The following DAB1 variants were observed in gnomAD, a reference collection of about 807,000 sequenced individuals.
The protein encoded by DAB1 is disabled homolog 1.
DAB1 carries 15 observed loss-of-function variants against 64.6 expected under a neutral mutation model. The ratio of observed to expected loss-of-function variants is 0.23; its 90% CI spans 0.16 to 0.36. DAB1 has a LOEUF of 0.36. Ranked by LOEUF, DAB1 falls within the 10% of genes least tolerant of loss-of-function variation. The pLI is 1.00. For missense variants in DAB1, 596 were observed against 706.7 expected, an observed-to-expected ratio of 0.84 and a Z score of 1.78; for synonymous variants, 235 against 251.9, an observed-to-expected ratio of 0.93 and a Z score of 0.64.
At chr1:57,810,847 G>A (rs1651584594) in intron 6 of DAB1, among the ~76,000 whole-genome samples, 1 of 152,182 alleles carries the variant, frequency 6.6e-6, no homozygotes, top group South Asian at 2.1e-4. Context: ...GCAACAGAAA[G>A]TTACTCTTTT....
intron 5 of DAB1, among the ~76,000 whole-genome samples, chr1:58,149,067 A>T (rs980750864): frequency 2.0e-5 from 3 of 152,158 alleles, no homozygotes; most frequent in Admixed American, 2.0e-4. Flanking sequence ...GTCACCCTAC[A>T]ACAGTAGTAA....
At chr1:57,976,254 T>C (rs1460320909) in intron 5 of DAB1, among the ~76,000 whole-genome samples, 2 of 152,158 alleles carry the variant, frequency 1.3e-5, no homozygotes, top group African/African-American at 4.8e-5. Context: ...CCTCACATGA[T>C]AGAAAGCAGT....
At chr1:58,444,463 C>T (rs184583411) in intron 3 of DAB1, among the ~76,000 whole-genome samples, 11 of 152,314 alleles carry the variant, frequency 7.2e-5, no homozygotes, top group African/African-American at 2.4e-4. Context: ...GGCCTGACTC[C>T]GGATTTGGTG....
At chr1:58,300,698 A>T (rs1349497673) in intron 4 of DAB1, among the ~76,000 whole-genome samples, 2 of 147,250 alleles carry the variant, frequency 1.4e-5, no homozygotes, top group African/African-American at 5.0e-5. Context: ...GGAAGGAAGG[A>T]AGGAAGGAAG....
At chr1:58,388,492 G>A (rs147591449) in intron 3 of DAB1, among the ~76,000 whole-genome samples, 3 of 152,266 alleles carry the variant, frequency 2.0e-5, no homozygotes, top group Non-Finnish European at 4.4e-5. Context: ...AAATAAGACA[G>A]CCAGCCTACA....
At chr1:58,462,689 C>T (rs977662314) in intron 3 of DAB1, 1 of 152,066 alleles carries the variant, frequency 6.6e-6, no homozygotes, top group Non-Finnish European at 1.5e-5. Flanking sequence ...ACAAATATCC[C>T]GCATTAAATC....
chr1:57,755,308 A>G (rs748628666), intron 6 of DAB1, among the ~76,000 whole-genome samples: 2 of 152,146 alleles, frequency 1.3e-5, no homozygotes, highest in Non-Finnish European at 2.9e-5. Context: ...AAGTATTCCT[A>G]TCCATGAATA....
chr1:57,498,694 T>C (rs1558436914), intron 7 of DAB1, among the ~76,000 whole-genome samples: 2 of 152,158 alleles, frequency 1.3e-5, no homozygotes, highest in Non-Finnish European at 2.9e-5. Context: ...AGGATAGCAA[T>C]AAGAGACAGA....
intron 3 of DAB1, among the ~76,000 whole-genome samples, chr1:58,504,372 C>T (rs1236984907): frequency 1.3e-5 from 2 of 152,136 alleles, no homozygotes; most frequent in African/African-American, 4.8e-5. Context: ...GCCTAAAAGG[C>T]TCTCTCTCCC....
chr1:57,122,612 T>A (rs181696503), intron 4 of DAB1, among the ~76,000 whole-genome samples: 1 of 152,218 alleles, frequency 6.6e-6, no homozygotes, highest in Admixed American at 6.5e-5. Flanking sequence ...ACCAAACTGA[T>A]GAGTGCCATG....
chr1:57,014,841 C>T lies in DAB1; in HGVS notation c.1444+42G>A, dbSNP rs374904205. The T allele has an allele frequency of 1.0e-4, 152 of 1,488,464 alleles. 2 individuals carry two copies. The highest frequency in any genetic ancestry group is 1.1e-4 in the East Asian group (5 of 43,540). The allele number at this position is 1,488,464 out of a possible 1,614,324, so 92.2% of individuals were successfully genotyped here. On this transcript the variant is annotated intron_variant, in intron 12 of 14. Transcript: ENST00000371236. ...AAACCCCGCCTCCAGACATGAGTTACGGCTCTCATTGGGTTTTATGTCTTA... is the reference window on the plus strand; with the variant it reads ...AAACCCCGCCTCCAGACATGAGTTATGGCTCTCATTGGGTTTTATGTCTTA...
chr1:57,073,159 G>A (rs1285704627), intron 4 of DAB1, among the ~76,000 whole-genome samples: 1 of 152,136 alleles, frequency 6.6e-6, no homozygotes, highest in African/African-American at 2.4e-5. Context: ...TGTATCTGTA[G>A]AACTTTACTT....
chr1:58,423,351 T>C (rs140982962), intron 3 of DAB1, among the ~76,000 whole-genome samples: 16 of 152,288 alleles, frequency 1.1e-4, no homozygotes, highest in African/African-American at 9.6e-5. Flanking sequence ...CCCTCTGGCA[T>C]AGAGCTGATC....
At chr1:57,912,386 T>C (rs1205439208) in intron 5 of DAB1, among the ~76,000 whole-genome samples, 1 of 152,164 alleles carries the variant, frequency 6.6e-6, no homozygotes, top group Non-Finnish European at 1.5e-5. Flanking sequence ...CAAAAATGTC[T>C]GTTGAGCCCT....
chr1:57,203,620 T>A (rs1665286795), intron 2 of DAB1, among the ~76,000 whole-genome samples: 1 of 152,218 alleles, frequency 6.6e-6, no homozygotes. Context: ...GGGGTTCTTG[T>A]AACATCCCTG....
intron 4 of DAB1, among the ~76,000 whole-genome samples, chr1:57,089,297 C>T (rs1027941277): frequency 1.8e-4 from 27 of 152,230 alleles, no homozygotes; most frequent in African/African-American, 6.5e-4. Flanking sequence ...AAAGTTAATG[C>T]TTAGTAAGTG....
At chr1:58,070,038 C>T (rs190212579) in intron 5 of DAB1, among the ~76,000 whole-genome samples, 1 of 152,326 alleles carries the variant, frequency 6.6e-6, no homozygotes, top group African/African-American at 2.4e-5. Context: ...TGGAGAGAAG[C>T]TCATGCCTTG....
intron 2 of DAB1, among the ~76,000 whole-genome samples, chr1:57,260,142 C>T (rs1048403397): frequency 6.6e-6 from 1 of 152,260 alleles, no homozygotes; most frequent in South Asian, 2.1e-4. Context: ...CCCTTCACCC[C>T]ACAAATACTC....
At chr1:57,089,754 T>A (rs944309354) in intron 4 of DAB1, among the ~76,000 whole-genome samples, 6 of 152,164 alleles carry the variant, frequency 3.9e-5, no homozygotes, top group African/African-American at 1.4e-4. Flanking sequence ...GGGACATATA[T>A]TCAAGACATA....
Sources: gnomAD v4.1 joint callset for allele counts (sites outside exome capture counted in the v4.1 genomes callset) on GRCh38, gnomAD v4.1.1 for gene constraint, MANE v1.5 for transcripts, NCBI Gene and HGNC (gene_info 2026-07-23, HGNC 2026-07-21) for gene names.